PTPRJ: variants seen among roughly 807,000 people sequenced by gnomAD.
PTPRJ encodes receptor-type tyrosine-protein phosphatase eta.
Under a neutral mutation model 141.3 loss-of-function variants are expected in PTPRJ, and 129 were observed. The observed-to-expected ratio is 0.91, with a 90% CI of 0.79 to 1.06. PTPRJ has a LOEUF of 1.06. Ranked by LOEUF, PTPRJ falls within the 50% of genes least tolerant of loss-of-function variation. The pLI is 0.00. For missense variants in PTPRJ, 1,601 were observed against 1,679.7 expected (o/e 0.95, Z 0.82); for synonymous variants, 610 against 640.5 (o/e 0.95, Z 0.72).
chr11:48,104,766 CT>C (rs1227392544), intron 1 of PTPRJ, among the ~76,000 whole-genome samples: 1 of 152,164 alleles, frequency 6.6e-6, no homozygotes, highest in Non-Finnish European at 1.5e-5. Flanking sequence ...GGTTTGTGAC[CT>C]GCAGCCCTGG....
chr11:48,164,404 T>C lies in PTPRJ; in HGVS notation c.3744T>C (p.Thr1248=). The stretch of plus-strand genomic sequence containing the variant: ...GTGCTGGGGTCGGAAGGACGGGCAC[T>C]TTCATTGCCATTGATCGTCTCATCT... ...HCSAGVGRTG[T]FIAIDRLIYQ... The change falls in exon 24 of 25, where the codon ACT becomes ACC. Residue 1248 remains threonine (T), a synonymous_variant. Transcript: ENST00000418331. The C allele has an allele frequency of 6.2e-7, 1 of 1,614,104 alleles. No individual in the cohort carries two copies. Among genetic ancestry groups the C allele is most frequent in the Non-Finnish European group, 8.5e-7 (1 of 1,180,008 alleles).
intron 1 of PTPRJ, among the ~76,000 whole-genome samples, chr11:48,003,264 T>C (rs554324783): frequency 6.6e-6 from 1 of 152,338 alleles, no homozygotes; most frequent in South Asian, 2.1e-4. Context: ...CCATTACAAG[T>C]GGTGCAAGGA....
chr11:48,127,941 G>A lies in PTPRJ; in HGVS notation c.1255G>A (p.Ala419Thr), dbSNP rs778321980. 3.7e-6 allele frequency: 6 copies of A among 1,613,996 alleles called. No homozygotes were observed. The highest frequency in any genetic ancestry group is 4.5e-5 in the East Asian group (2 of 44,878). The change falls in exon 7 of 25, where the codon GCT (alanine) becomes ACT (threonine). Residue 419 changes from alanine (A) to threonine (T), a missense_variant. Ala to Thr is a moderately conservative substitution (Grantham distance 58, BLOSUM62 0). Transcript: ENST00000418331. ...SSNLNVSEPR[A>T]VIPGLRSSTF... ...CAATCTCAACGTCAGTGAGCCTCGC[G>A]CTGTCATCCCCGGACTCCGCTCCAG... is the stretch of plus-strand genomic sequence containing the variant.
chr11:48,027,795 A>T (rs1853863760), intron 1 of PTPRJ, among the ~76,000 whole-genome samples: 2 of 141,714 alleles, frequency 1.4e-5, no homozygotes, highest in South Asian at 4.5e-4. Context: ...TGTCTCCAAA[A>T]AAAAAAAAAA....
intron 1 of PTPRJ, among the ~76,000 whole-genome samples, chr11:48,057,014 C>T (rs577715256): frequency 1.3e-5 from 2 of 152,176 alleles, no homozygotes; most frequent in South Asian, 4.2e-4. Flanking sequence ...CAAGGTAACC[C>T]AGCTCATAAA....
intron 1 of PTPRJ, among the ~76,000 whole-genome samples, chr11:48,108,644 C>T (rs1213564136): frequency 6.6e-6 from 1 of 152,176 alleles, no homozygotes; most frequent in African/African-American, 2.4e-5. Context: ...CTGCCCTGTG[C>T]GACTTGCCTA....
rs1027266653 is a variant in PTPRJ at position 48,121,397 on chromosome 11, A to G, written c.616+131A>G. The G allele has an allele frequency of 4.7e-5, 48 of 1,021,304 alleles. No individual in the cohort carries two copies. The African/African-American group carries it at 7.5e-4, about 16-fold the overall frequency. 63.3% of individuals were successfully genotyped at this position (1,021,304 alleles called of 1,614,324 possible). ...AAACTAGAAGAGGAGAAAAGGTGCT[A>G]TGTTGTTTCAAGCCTGGGATTTCTG... is the stretch of plus-strand genomic sequence containing the variant. On this transcript the variant is annotated intron_variant, in intron 4 of 24. Transcript: ENST00000418331.
At chr11:48,154,316 C>G (rs371374053) in intron 19 of PTPRJ, among the ~76,000 whole-genome samples, 1 of 152,166 alleles carries the variant, frequency 6.6e-6, no homozygotes, top group East Asian at 1.9e-4. Context: ...CAGAGGGAGA[C>G]GGGGAGTCAC....
Position 48,123,622 on chromosome 11 carries a change from C to G in PTPRJ, c.626C>G (p.Pro209Arg), listed in dbSNP as rs777121066. ...RVIKVITEPI[P>R]VSDLRVALTG... ...TGTATTTTTAAAATAGAGCCGATCC[C>G]AGTTTCTGATCTCCGTGTTGCCCTC... Residue 209 changes from proline to arginine, a missense_variant, in exon 5 of 25, where the codon CCA (proline) becomes CGA (arginine). Physicochemically the swap from Pro to Arg is moderately radical, Grantham distance 103 (BLOSUM62 -2). Transcript: ENST00000418331. 3 of 1,612,626 alleles carry G rather than the reference C, an allele frequency of 1.9e-6. No homozygotes were observed. The South Asian group carries it at 3.3e-5, about 18-fold the overall frequency.
chr11:47,983,073 A>T (rs569809647), intron 1 of PTPRJ, among the ~76,000 whole-genome samples: 1 of 152,296 alleles, frequency 6.6e-6, no homozygotes, highest in South Asian at 2.1e-4. Flanking sequence ...TTAGATGAGG[A>T]TATTGATGTC....
chr11:48,033,804 G>T (rs891588636), intron 1 of PTPRJ, among the ~76,000 whole-genome samples: 1 of 152,162 alleles, frequency 6.6e-6, no homozygotes, highest in African/African-American at 2.4e-5. Flanking sequence ...GAGCTGTTTG[G>T]ACCACCTGTG....
chr11:48,164,338 G>A (rs371808846), intron 23 of PTPRJ, 42 bp from the exon 24 acceptor site: 19 of 1,604,384 alleles, frequency 1.2e-5, no homozygotes, highest in Middle Eastern at 1.7e-4. Context: ...GGTTGCAGTC[G>A]AGGGAACCCA....
rs1446781886 is a variant in PTPRJ at position 48,046,912 on chromosome 11, A to ATATTT, written c.97-63145_97-63144insATTTT. On this transcript the variant is annotated intron_variant, in intron 1 of 24. Coordinates refer to ENST00000418331, the MANE Select transcript of PTPRJ (RefSeq NM_002843.4). ...TACATATATATATATATATATATAT[A>ATATTT]TTTTTTTTTTTTTTTTTTTTTGAGA... Among the ~76,000 whole-genome samples the ATATTT allele has an allele frequency of 1.8e-3, 130 of 74,154 alleles. 1 individual carries two copies. The highest frequency in any genetic ancestry group is 8.0e-3 in the African/African-American group (109 of 13,702). The allele number at this position is 74,154 out of a possible 152,430, so 48.6% of individuals were successfully genotyped here.
intron 1 of PTPRJ, among the ~76,000 whole-genome samples, chr11:48,106,040 TGCTCC>T (rs1275321780): frequency 6.6e-6 from 1 of 152,204 alleles, no homozygotes; most frequent in Non-Finnish European, 1.5e-5. Flanking sequence ...GTGTGTCATC[TGCTCC>T]AGCTAGGATA....
chr11:48,119,314 G>A (rs1856648155), intron 3 of PTPRJ, among the ~76,000 whole-genome samples: 1 of 152,174 alleles, frequency 6.6e-6, no homozygotes, highest in Non-Finnish European at 1.5e-5. Context: ...GGGGCCTTCT[G>A]GCATGACGTT....
At chr11:47,981,046 TG>T in intron 1 of PTPRJ, 38 bp downstream of exon 1, 1 of 900,572 alleles carries the variant, frequency 1.1e-6, no homozygotes, top group African/African-American at 1.9e-5. Flanking sequence ...GGCAGGAGGC[TG>T]GGGCGGGACT....
intron 1 of PTPRJ, among the ~76,000 whole-genome samples, chr11:48,042,219 AGT>A (rs1266526212): frequency 6.6e-6 from 1 of 152,138 alleles, no homozygotes; most frequent in South Asian, 2.1e-4. Context: ...GGGTCTCTTC[AGT>A]GTCTTTTTGG....
intron 1 of PTPRJ, among the ~76,000 whole-genome samples, chr11:48,062,181 G>A (rs1398609076): frequency 6.6e-6 from 1 of 151,088 alleles, no homozygotes; most frequent in Non-Finnish European, 1.5e-5. Context: ...CTACAGGCAT[G>A]AACTACCATG....
intron 9 of PTPRJ, among the ~76,000 whole-genome samples, chr11:48,136,737 AAC>A (rs1475778693): frequency 6.6e-6 from 1 of 152,242 alleles, no homozygotes; most frequent in African/African-American, 2.4e-5. Flanking sequence ...AGATTTAAAA[AAC>A]AGATTAGAAA....
Sources: allele counts gnomAD v4.1 joint callset (sites outside exome capture counted in the v4.1 genomes callset), GRCh38; gene constraint gnomAD v4.1.1; transcripts MANE v1.5; gene names NCBI Gene and HGNC (gene_info 2026-07-23, HGNC 2026-07-21).